NETO1: variants seen among roughly 807,000 people sequenced by gnomAD.
The protein encoded by NETO1 is neuropilin and tolloid-like protein 1.
A neutral mutation model predicts 61.3 loss-of-function variants in NETO1; 26 were observed. The ratio of observed to expected loss-of-function variants is 0.42; its 90% confidence interval spans 0.31 to 0.59. The LOEUF is 0.59. Among genes scored for constraint, NETO1 ranks in the 20% least tolerant of loss-of-function variants. NETO1 has a pLI of 0.12. For missense variants in NETO1, 531 were observed against 662.8 expected (o/e 0.80, Z 2.18); for synonymous variants, 225 against 225.8 (o/e 1.00, Z 0.03).
chr18:72,811,533 G>A (rs2072865936), intron 4 of NETO1, among the ~76,000 whole-genome samples: 1 of 152,322 alleles, frequency 6.6e-6, no homozygotes, highest in African/African-American at 2.4e-5. Flanking sequence ...GCCAGGTGGG[G>A]TGGCTCGTGC....
chr18:72,751,405 G>A (rs1033494370), intron 8 of NETO1, among the ~76,000 whole-genome samples: 3 of 152,202 alleles, frequency 2.0e-5, no homozygotes, highest in Admixed American at 2.0e-4. Flanking sequence ...TCAGGGAGGT[G>A]TGGACAAGAA....
rs572291784 is a variant in NETO1, at chr18:72,778,583, C to T, written c.868+5095G>A. On this transcript the variant is annotated intron_variant, in intron 7 of 10. Coordinates refer to ENST00000327305, the MANE Select transcript of NETO1 (RefSeq NM_138966.5). ...CACGAGAGCATAAACACAATTCTGC[C>T]ATATTCTTTGCCAATTTATAACAAG... is the stretch of plus-strand genomic sequence containing the variant. Among the ~76,000 whole-genome samples the T allele has an allele frequency of 1.1e-3, 171 of 152,256 alleles. 1 individual carries two copies. Among genetic ancestry groups the T allele is most frequent in the African/African-American group, 3.7e-3 (155 of 41,546 alleles).
At chr18:72,823,455 C>A (rs1190142018) in intron 4 of NETO1, among the ~76,000 whole-genome samples, 1 of 152,028 alleles carries the variant, frequency 6.6e-6, no homozygotes, top group Non-Finnish European at 1.5e-5. Context: ...GAGGGAGAAC[C>A]AGCCTGAGAA....
chr18:72,864,557 G>A (rs1412156762), intron 3 of NETO1, among the ~76,000 whole-genome samples: 2 of 152,200 alleles, frequency 1.3e-5, no homozygotes, highest in African/African-American at 4.8e-5. Context: ...TAAGCCAACA[G>A]CAAAATAAAC....
chr18:72,778,167 A>T (rs756386016), intron 7 of NETO1, among the ~76,000 whole-genome samples: 1 of 152,090 alleles, frequency 6.6e-6, no homozygotes, highest in Non-Finnish European at 1.5e-5. Context: ...GTCCCCCTAA[A>T]CACTGGCCCT....
At chr18:72,803,289 C>A (rs1206190437) in intron 4 of NETO1, among the ~76,000 whole-genome samples, 1 of 152,162 alleles carries the variant, frequency 6.6e-6, no homozygotes, top group Non-Finnish European at 1.5e-5. Flanking sequence ...TTTAGCAGTT[C>A]TGCATAATAG....
chr18:72,755,077 A>G (rs930055748), intron 8 of NETO1, among the ~76,000 whole-genome samples: 2 of 152,210 alleles, frequency 1.3e-5, no homozygotes, highest in Non-Finnish European at 2.9e-5. Flanking sequence ...ACATCCATTC[A>G]CATTTGTTGC....
At chr18:72,793,187 G>A (rs1290564695) in intron 6 of NETO1, among the ~76,000 whole-genome samples, 3 of 152,146 alleles carry the variant, frequency 2.0e-5, no homozygotes, top group African/African-American at 7.2e-5. Context: ...TAATGAAATA[G>A]CACACAGTTT....
intron 4 of NETO1, among the ~76,000 whole-genome samples, chr18:72,855,588 C>A (rs181123205): frequency 6.6e-6 from 1 of 152,082 alleles, no homozygotes; most frequent in African/African-American, 2.4e-5. Context: ...GCTGTTCCCA[C>A]GTACAAATGG....
In NETO1 at chr18:72,867,399, G is replaced by C. The variant is rs563378516; in HGVS notation, c.-108C>G. ...GGTCGAGAGGTGTTAAAGACGCAAA[G>C]CAAGAAGGAAATAAAGGGGGGCCGA... On this transcript the variant is annotated 5_prime_UTR_variant, in exon 1 of 11. Coordinates refer to ENST00000327305, the MANE Select transcript of NETO1 (RefSeq NM_138966.5). The C allele has an allele frequency of 2.5e-6, 2 of 800,806 alleles. No homozygotes were observed. Among genetic ancestry groups the C allele is most frequent in the South Asian group, 5.3e-5 (2 of 37,652 alleles). 49.6% of individuals were successfully genotyped at this position (800,806 alleles called of 1,614,324 possible).
At chr18:72,757,368 T>TA (rs2070817811) in intron 7 of NETO1, among the ~76,000 whole-genome samples, 1 of 151,144 alleles carries the variant, frequency 6.6e-6, no homozygotes, top group African/African-American at 2.4e-5. Context: ...TAAGGCAACT[T>TA]ACTGTATTTT....
intron 4 of NETO1, among the ~76,000 whole-genome samples, chr18:72,815,359 TA>T (rs1399326323): frequency 6.6e-6 from 1 of 152,064 alleles, no homozygotes; most frequent in African/African-American, 2.4e-5. Context: ...AGAGTGAGAA[TA>T]AAAAGGTAAG....
rs543723210 is a variant in NETO1, at chr18:72,835,913, A to C, written c.469+22913T>G. ...AAAACAAATAAATACGTAAAGAGAT[A>C]ATTACAACACAGTGTGAGAGGGCAA... is the stretch of plus-strand genomic sequence containing the variant. On this transcript the variant is annotated intron_variant, in intron 4 of 10. Transcript: ENST00000327305. Among the ~76,000 whole-genome samples, 11 of 152,306 alleles carry C rather than the reference A, an allele frequency of 7.2e-5. No homozygotes were observed. In the East Asian group the frequency reaches 7.7e-4, roughly 11 times the overall value.
intron 6 of NETO1, among the ~76,000 whole-genome samples, chr18:72,787,872 C>G (rs1016784032): frequency 6.6e-6 from 1 of 151,986 alleles, no homozygotes; most frequent in African/African-American, 2.4e-5. Flanking sequence ...AGAAAACAAT[C>G]AAAAACAAAA....
chr18:72,799,210 C>T (rs1021229111), intron 4 of NETO1, among the ~76,000 whole-genome samples: 6 of 152,104 alleles, frequency 3.9e-5, no homozygotes, highest in Admixed American at 1.3e-4. Flanking sequence ...TCAGCTAGCA[C>T]CATAACTAGA....
chr18:72,866,208 A>G (rs925457188), intron 1 of NETO1, among the ~76,000 whole-genome samples: 14 of 152,300 alleles, frequency 9.2e-5, no homozygotes, highest in Admixed American at 3.9e-4. Flanking sequence ...TTTCACTTAA[A>G]ATGAATTCGG....
chr18:72,831,059 T>TA (rs2073560975), intron 4 of NETO1, among the ~76,000 whole-genome samples: 1 of 152,190 alleles, frequency 6.6e-6, no homozygotes, highest in Non-Finnish European at 1.5e-5. Flanking sequence ...GATACTTCAC[T>TA]GTGCTCTTCT....
At chr18:72,753,723 A>G (rs2070699245) in intron 8 of NETO1, among the ~76,000 whole-genome samples, 1 of 152,232 alleles carries the variant, frequency 6.6e-6, no homozygotes, top group African/African-American at 2.4e-5. Flanking sequence ...TCTTTTAAAA[A>G]AGCAATGTTC....
At chr18:72,856,974 A>T (rs1181831011) in intron 4 of NETO1, among the ~76,000 whole-genome samples, 1 of 152,192 alleles carries the variant, frequency 6.6e-6, no homozygotes, top group African/African-American at 2.4e-5. Flanking sequence ...CCCACTTCCT[A>T]TTTCAATAAG....
Sources: gnomAD v4.1 joint callset for allele counts (sites outside exome capture counted in the v4.1 genomes callset) on GRCh38, gnomAD v4.1.1 for gene constraint, MANE v1.5 for transcripts, NCBI Gene and HGNC (gene_info 2026-07-23, HGNC 2026-07-21) for gene names.